Variants in BACH2 observed in about 807,000 individuals in gnomAD.
BACH2 encodes the protein BACH transcriptional regulator 2.
In BACH2, 5 loss-of-function variants were observed where a neutral mutation model predicts 61.8. That is an observed-to-expected ratio of 0.08 (90% CI 0.04 to 0.17). The LOEUF (loss-of-function observed/expected upper bound fraction) is 0.17, where lower values mean the gene tolerates loss of function less well. Among genes scored for constraint, BACH2 ranks in the 10% least tolerant of loss-of-function variants. BACH2 has a pLI of 1.00. For missense variants in BACH2, 824 were observed against 1,091.1 expected (o/e 0.76, Z 3.45); for synonymous variants, 446 against 440.1 (o/e 1.01, Z -0.17).
chr6:90,243,095 T>C (rs1345742304), intron 3 of BACH2, among the ~76,000 whole-genome samples: 1 of 144,638 alleles, frequency 6.9e-6, no homozygotes, highest in Non-Finnish European at 1.5e-5. Flanking sequence ...GGTTTCTCCA[T>C]GTTGGTCAGG....
At chr6:90,288,900 C>T (rs537324972) in intron 1 of BACH2, among the ~76,000 whole-genome samples, 6 of 152,158 alleles carry the variant, frequency 3.9e-5, no homozygotes, top group Non-Finnish European at 5.9e-5. Context: ...TTCCCTCCAC[C>T]TAACAAGAGG....
chr6:90,077,618 C>A (rs1187463603), intron 5 of BACH2, among the ~76,000 whole-genome samples: 1 of 152,098 alleles, frequency 6.6e-6, no homozygotes, highest in Non-Finnish European at 1.5e-5. Context: ...GATGGTAGGA[C>A]AGACTAAGAA....
At chr6:89,947,001 T>A (rs1313732754) in intron 7 of BACH2, among the ~76,000 whole-genome samples, 6 of 152,216 alleles carry the variant, frequency 3.9e-5, no homozygotes, top group African/African-American at 1.4e-4. Context: ...ATACAAGGTA[T>A]GTTAACACTT....
intron 7 of BACH2, among the ~76,000 whole-genome samples, chr6:89,946,916 A>T (rs916521786): frequency 1.5e-4 from 23 of 152,212 alleles, no homozygotes; most frequent in African/African-American, 5.5e-4. Flanking sequence ...GGGAACAGTT[A>T]AAAAGGATGG....
At chr6:90,029,005 C>T (rs2127787205) in intron 5 of BACH2, among the ~76,000 whole-genome samples, 1 of 152,270 alleles carries the variant, frequency 6.6e-6, no homozygotes, top group Admixed American at 6.5e-5. Flanking sequence ...TCCTCTTTTC[C>T]AACCATGCCA....
chr6:90,034,898 C>T (rs961018192), intron 5 of BACH2, among the ~76,000 whole-genome samples: 1 of 152,108 alleles, frequency 6.6e-6, no homozygotes, highest in Admixed American at 6.6e-5. Flanking sequence ...ACTAGTCCTA[C>T]TACACACATT....
At chr6:90,075,255 C>CA (rs1310937888) in intron 5 of BACH2, among the ~76,000 whole-genome samples, 5 of 152,276 alleles carry the variant, frequency 3.3e-5, no homozygotes, top group Non-Finnish European at 5.9e-5. Context: ...TCACACAACT[C>CA]AGAGTCCCTG....
chr6:90,077,960 T>C (rs1348005594), intron 5 of BACH2, among the ~76,000 whole-genome samples: 2 of 152,144 alleles, frequency 1.3e-5, no homozygotes, highest in Non-Finnish European at 2.9e-5. Flanking sequence ...ATACACTTTA[T>C]AATGCAAAAC....
chr6:90,250,497 C>A (rs142814355), intron 3 of BACH2, among the ~76,000 whole-genome samples: 1 of 151,024 alleles, frequency 6.6e-6, no homozygotes, highest in African/African-American at 2.5e-5. Context: ...ACTGTTCATT[C>A]ATTCATTCAT....
intron 5 of BACH2, among the ~76,000 whole-genome samples, chr6:90,031,004 C>T (rs9451321): frequency 0.18 from 16,034 of 88,792 alleles, 2,258 homozygotes; most frequent in East Asian, 0.56. Flanking sequence ...AGCTTATCCA[C>T]CATGATCAAG....
At chr6:90,103,006 C>CATATATATATATATATATAT in intron 4 of BACH2, among the ~76,000 whole-genome samples, 2 of 44,936 alleles carry the variant, frequency 4.5e-5, no homozygotes, top group African/African-American at 1.6e-4. Flanking sequence ...TGACACAATA[C>CATATATATATATATATATAT]ATATATATAT....
At chr6:89,969,293 G>A (rs1173524836) in intron 6 of BACH2, among the ~76,000 whole-genome samples, 2 of 152,036 alleles carry the variant, frequency 1.3e-5, no homozygotes, top group African/African-American at 4.8e-5. Flanking sequence ...GACCTGAGGT[G>A]ATCCGCCCAT....
chr6:89,949,967 G>A lies in BACH2; in HGVS notation c.1836+303C>T, dbSNP rs1221723501. On this transcript the variant is annotated intron_variant, in intron 7 of 8. Transcript: ENST00000257749. The stretch of plus-strand genomic sequence containing the variant: ...GGGGGAGAGAGGGAGGAGAAAGAGG[G>A]GGGTCTGGAGTGCCTCAGTGTACTT... 1.6e-5 allele frequency: 7 copies of A among 436,856 alleles called. No homozygotes were observed. The Middle Eastern group carries it at 4.1e-3, about 254-fold the overall frequency. The allele number at this position is 436,856 out of a possible 1,614,324, so 27.1% of individuals were successfully genotyped here. A position where few individuals can be genotyped will look rare whatever the true frequency, so the allele number is the denominator to read the frequency against.
chr6:90,180,740 TG>T (rs1768129444), intron 4 of BACH2, among the ~76,000 whole-genome samples: 1 of 152,200 alleles, frequency 6.6e-6, no homozygotes, highest in Non-Finnish European at 1.5e-5. Flanking sequence ...TATTCCATAC[TG>T]TGTGAATGGA....
At chr6:90,048,095 G>A (rs764240087) in intron 5 of BACH2, among the ~76,000 whole-genome samples, 62 of 152,036 alleles carry the variant, frequency 4.1e-4, no homozygotes, top group Non-Finnish European at 7.5e-4. Flanking sequence ...TATAATAACC[G>A]AGATTAGTTT....
At position 89,938,183 on chromosome 6, in the gene BACH2, C is replaced by T. The variant is rs1282733093; in HGVS notation, c.2004G>A (p.Leu668=). 6.2e-7 allele frequency: 1 copy of T among 1,614,194 alleles called. No individual in the cohort carries two copies. The highest frequency in any genetic ancestry group is 2.2e-5 in the East Asian group (1 of 44,884). The change falls in exon 8 of 9, where the codon CTG becomes CTA. Residue 668 remains leucine, a synonymous_variant. Coordinates refer to ENST00000257749, the MANE Select transcript of BACH2 (RefSeq NM_021813.4). ...CACATTCTAAATTCTGAATACAGTC[C>T]AGTTTCCTTTTGCGGCAGCGCTGGG... ...IAAQRCRKRK[L]DCIQNLECEI...
At chr6:90,092,108 C>T (rs1445118928) in intron 4 of BACH2, among the ~76,000 whole-genome samples, 2 of 151,594 alleles carry the variant, frequency 1.3e-5, no homozygotes, top group Non-Finnish European at 2.9e-5. Flanking sequence ...AAACAAACCA[C>T]CATTAATAAC....
At chr6:89,994,898 C>T (rs1254071226) in intron 6 of BACH2, among the ~76,000 whole-genome samples, 6 of 152,356 alleles carry the variant, frequency 3.9e-5, no homozygotes, top group African/African-American at 7.2e-5. Context: ...ACTTTGCACA[C>T]GTTCTCATGG....
chr6:90,247,200 T>C (rs1770664013), intron 3 of BACH2, among the ~76,000 whole-genome samples: 1 of 152,118 alleles, frequency 6.6e-6, no homozygotes, highest in Non-Finnish European at 1.5e-5. Context: ...GTAGTACATT[T>C]GACATGTAAT....
Sources: gnomAD v4.1 joint callset for allele counts (sites outside exome capture counted in the v4.1 genomes callset) on GRCh38, gnomAD v4.1.1 for gene constraint, MANE v1.5 for transcripts, NCBI Gene and HGNC (gene_info 2026-07-23, HGNC 2026-07-21) for gene names.